XIAP: variants seen among roughly 807,000 people sequenced by gnomAD.
XIAP encodes the protein X-linked inhibitor of apoptosis.
A neutral mutation model predicts 33.1 loss-of-function variants in XIAP; 3 were observed. The observed-to-expected ratio is 0.09, with a 90% CI of 0.04 to 0.23. The LOEUF (loss-of-function observed/expected upper bound fraction) is 0.23, where lower values mean the gene tolerates loss of function less well. Ranked by LOEUF, XIAP falls within the 10% of genes least tolerant of loss-of-function variation. XIAP has a pLI of 1.00. For missense variants in XIAP, 264 were observed against 363.0 expected, an observed-to-expected ratio of 0.73 and a Z score of 2.22; for synonymous variants, 98 against 121.3, an observed-to-expected ratio of 0.81 and a Z score of 1.26.
Position 123,892,781 on chromosome X carries a change from T to G in XIAP, c.1099+8T>G, listed in dbSNP as rs1385633886. 8.5e-7 allele frequency: 1 copy of G among 1,180,780 alleles called. No individual in the cohort carries two copies. Among genetic ancestry groups the G allele is most frequent in the Admixed American group, 2.2e-5 (1 of 45,805 alleles). ...CACTAACTAGAAGAATTGGTAAATA[T>G]GCTTGTTAACTATCCTTTTAATTTA... On this transcript the variant is annotated splice_region_variant and intron_variant, in intron 5 of 6. Coordinates refer to ENST00000371199, the MANE Select transcript of XIAP (RefSeq NM_001167.4).
chrX:123,889,768 A>G (rs1001762387), intron 3 of XIAP, among the ~76,000 whole-genome samples: 3 of 108,061 alleles, frequency 2.8e-5, no homozygotes, highest in Non-Finnish European at 5.8e-5. Context: ...ATCCACCCAC[A>G]TCAGCCTCCC....
chrX:123,874,788 G>T (rs1169099339), intron 1 of XIAP, among the ~76,000 whole-genome samples: 1 of 98,921 alleles, frequency 1.0e-5, no homozygotes, highest in Non-Finnish European at 2.0e-5. Context: ...TCCACCTCCC[G>T]AATTCAAACA....
intron 6 of XIAP, among the ~76,000 whole-genome samples, chrX:123,906,132 CATT>C (rs1298589996): frequency 4.4e-5 from 5 of 112,744 alleles, no homozygotes; most frequent in Non-Finnish European, 9.4e-5. Flanking sequence ...CTGCTGTTGT[CATT>C]ATTGTTATAT....
upstream of XIAP, chrX:123,859,861 C>G (rs1008296985): frequency 8.0e-6 from 2 of 248,575 alleles, no homozygotes; most frequent in Non-Finnish European, 1.5e-5. Flanking sequence ...CTTGGCGGCG[C>G]CCGGAGCCGG....
intron 2 of XIAP, among the ~76,000 whole-genome samples, chrX:123,888,176 A>G (rs2053371515): frequency 9.1e-6 from 1 of 110,361 alleles, no homozygotes; most frequent in African/African-American, 3.3e-5. Flanking sequence ...TCTACCAAAG[A>G]TATAAAAAAT....
At chrX:123,883,361 G>A (rs1284204178) in intron 1 of XIAP, among the ~76,000 whole-genome samples, 1 of 111,259 alleles carries the variant, frequency 9.0e-6, no homozygotes, top group African/African-American at 3.3e-5. Context: ...TGAGATTACA[G>A]GCATGAGTCA....
rs182991501 is a variant in XIAP, at chrX:123,864,560, G to A, written c.-33+4267G>A. 3.7e-4 allele frequency among the ~76,000 whole-genome samples: 35 copies of A among 94,077 alleles called. No individual in the cohort carries two copies. The East Asian group carries it at 0.011, about 31-fold the overall frequency. 81.7% of individuals were successfully genotyped at this position (94,077 alleles called of 115,157 possible). A position where few individuals can be genotyped will look rare whatever the true frequency, so the allele number is the denominator to read the frequency against. On this transcript the variant is annotated intron_variant, in intron 1 of 6. Coordinates refer to ENST00000371199, the MANE Select transcript of XIAP (RefSeq NM_001167.4). ...TGGCTCACTGCAGGCACTGCCTCCC[G>A]GCTTCACGCCATTCTCCTGCCTCAG...
In XIAP at chrX:123,886,579, A is replaced by G. The variant is rs141276595; in HGVS notation, c.877+40A>G. ...AAAACCAATAAATAGCTTCCCAAGTATGCCAGGGCTCATAAAAAGTAAATA... is the reference window on the plus strand; with the variant it reads ...AAAACCAATAAATAGCTTCCCAAGTGTGCCAGGGCTCATAAAAAGTAAATA... On this transcript the variant is annotated intron_variant, in intron 2 of 6. Coordinates refer to ENST00000371199, the MANE Select transcript of XIAP (RefSeq NM_001167.4). The G allele has an allele frequency of 1.4e-4, 161 of 1,186,341 alleles. No homozygotes were observed. The African/African-American group carries it at 2.2e-3, about 17-fold the overall frequency.
chrX:123,860,706 T>G (rs2053071266), intron 1 of XIAP, among the ~76,000 whole-genome samples: 1 of 112,313 alleles, frequency 8.9e-6, no homozygotes, highest in Non-Finnish European at 1.9e-5. Flanking sequence ...GGAAATTAGC[T>G]GGTGATTCTT....
upstream of XIAP, chrX:123,860,038 G>T: frequency 3.1e-6 from 1 of 323,363 alleles, no homozygotes; most frequent in East Asian, 9.9e-5. Context: ...GACGGACCGC[G>T]CCCGGTGTCT....
rs757596272 is a variant in XIAP at position 123,913,402 on chromosome X, G to A, written c.*6221G>A. The A allele has an allele frequency of 1.7e-4, 55 of 325,186 alleles. No homozygotes were observed. Among genetic ancestry groups the A allele is most frequent in the Non-Finnish European group, 2.6e-4 (44 of 168,533 alleles). 26.8% of individuals were successfully genotyped at this position (325,186 alleles called of 1,213,427 possible). On this transcript the variant is annotated 3_prime_UTR_variant, in exon 7 of 7. Coordinates refer to ENST00000371199, the MANE Select transcript of XIAP (RefSeq NM_001167.4). ...GGAGAATTGCTTGAACCTGGGAGGC[G>A]GAGGTTGCAGGGAGCCAAGATGGCG...
chrX:123,906,183 A>C (rs1036799244), intron 6 of XIAP, among the ~76,000 whole-genome samples: 1 of 112,260 alleles, frequency 8.9e-6, no homozygotes, highest in Non-Finnish European at 1.9e-5. Flanking sequence ...ATATTTATTC[A>C]CATTTCACAA....
At chrX:123,895,199 C>T (rs1411990646) in intron 5 of XIAP, among the ~76,000 whole-genome samples, 1 of 111,467 alleles carries the variant, frequency 9.0e-6, no homozygotes, top group Non-Finnish European at 1.9e-5. Flanking sequence ...TATGGACTTG[C>T]CTATTCTGGA....
In XIAP at chrX:123,895,047, G is replaced by A. The variant is rs902239046; in HGVS notation, c.1099+2274G>A. The stretch of plus-strand genomic sequence containing the variant: ...CCTGCAGAGCAGGGCTACCCACTAC[G>A]CAGTGAGTGGCATTACTACTATTTA... On this transcript the variant is annotated intron_variant, in intron 5 of 6. Coordinates refer to ENST00000371199, the MANE Select transcript of XIAP (RefSeq NM_001167.4). Among the ~76,000 whole-genome samples, 7 of 111,548 alleles carry A rather than the reference G, an allele frequency of 6.3e-5. No individual in the cohort carries two copies. The East Asian group carries it at 8.5e-4, about 13-fold the overall frequency.
chrX:123,909,743 C>A lies in XIAP; in HGVS notation c.*2562C>A. 1 of 329,421 alleles carries A rather than the reference C, an allele frequency of 3.0e-6. No homozygotes were observed. Among genetic ancestry groups the A allele is most frequent in the Non-Finnish European group, 5.9e-6 (1 of 169,946 alleles). The allele number at this position is 329,421 out of a possible 1,213,427, so 27.1% of individuals were successfully genotyped here. A position where few individuals can be genotyped will look rare whatever the true frequency, so the allele number is the denominator to read the frequency against. On this transcript the variant is annotated 3_prime_UTR_variant, in exon 7 of 7. Transcript: ENST00000371199. ...TCCATGAGTTGTGAAATTTAATGCACAACGCTGATGTGGCTAACAAGTTTA... is the reference window on the plus strand; with the variant it reads ...TCCATGAGTTGTGAAATTTAATGCAAAACGCTGATGTGGCTAACAAGTTTA...
chrX:123,859,888 G>C (rs2053062038), upstream of XIAP: 1 of 253,148 alleles, frequency 4.0e-6, no homozygotes, highest in Non-Finnish European at 7.5e-6. Context: ...GCTCATCGAG[G>C]GACGCCCGGC....
intron 1 of XIAP, among the ~76,000 whole-genome samples, chrX:123,864,569 C>T (rs368212627): frequency 2.3e-4 from 25 of 106,513 alleles, no homozygotes; most frequent in African/African-American, 7.5e-4. Context: ...CGGCTTCACG[C>T]CATTCTCCTG....
chrX:123,871,958 G>T (rs10046968), intron 1 of XIAP, among the ~76,000 whole-genome samples: 41,476 of 108,503 alleles, frequency 0.38, 6,139 homozygotes, highest in African/African-American at 0.48. Flanking sequence ...AAAATTAGCT[G>T]GGTATGGTGG....
chrX:123,880,503 G>A (rs1053607993), intron 1 of XIAP, among the ~76,000 whole-genome samples: 5 of 107,783 alleles, frequency 4.6e-5, no homozygotes, highest in African/African-American at 1.7e-4. Context: ...TTGGGAGTTC[G>A]AGGCAGGTGG....
Sources: gnomAD v4.1 joint callset for allele counts (sites outside exome capture counted in the v4.1 genomes callset) on GRCh38, gnomAD v4.1.1 for gene constraint, MANE v1.5 for transcripts, NCBI Gene and HGNC (gene_info 2026-07-23, HGNC 2026-07-21) for gene names.